Variants in PNPLA7 observed in about 807,000 individuals in gnomAD.
The protein encoded by PNPLA7 is patatin like domain 7, lysophospholipase, also known as patatin-like phospholipase domain-containing protein 7.
A neutral mutation model predicts 161.7 loss-of-function variants in PNPLA7; 153 were observed. That is an observed-to-expected ratio of 0.95 (90% CI 0.83 to 1.08). PNPLA7 has a LOEUF of 1.08. PNPLA7 is among the 50% of genes least tolerant of loss of function. The probability of loss-of-function intolerance (pLI) is 0.00; values close to 1 mark genes in which losing one functional copy is unlikely to be tolerated. For missense variants in PNPLA7, 1,739 were observed against 1,856.6 expected (o/e 0.94, Z 1.16); for synonymous variants, 809 against 782.1 (o/e 1.03, Z -0.57).
chr9:137,496,665 C>T (rs1008331022), intron 18 of PNPLA7, among the ~76,000 whole-genome samples: 23 of 152,062 alleles, frequency 1.5e-4, no homozygotes, highest in Non-Finnish European at 3.2e-4. Flanking sequence ...GAGTTGAGAT[C>T]GCGCCACTGC....
intron 20 of PNPLA7, among the ~76,000 whole-genome samples, chr9:137,488,456 A>C: frequency 6.6e-6 from 1 of 152,200 alleles, no homozygotes; most frequent in East Asian, 1.9e-4. Context: ...GGTGGAGCAG[A>C]CACAGGCCAC....
intron 14 of PNPLA7, 91 bp downstream of exon 14, chr9:137,505,523 T>C: frequency 6.7e-7 from 1 of 1,488,424 alleles, no homozygotes; most frequent in Non-Finnish European, 9.2e-7. Flanking sequence ...GCCACTGTCC[T>C]CCACACCTGG....
chr9:137,465,841 C>T lies in PNPLA7; in HGVS notation c.3040-1385G>A, dbSNP rs77678324. Among the ~76,000 whole-genome samples the T allele has an allele frequency of 3.6e-3, 555 of 152,290 alleles. 6 individuals carry two copies. Among genetic ancestry groups the T allele is most frequent in the African/African-American group, 0.013 (535 of 41,542 alleles). On this transcript the variant is annotated intron_variant, in intron 26 of 34. Transcript: ENST00000406427. ...CTCGGTTTTGTTCCACAAAAGCAAGCGCAGCGCTGAGGAGGGCAGACGGTG... is the reference window on the plus strand; with the variant it reads ...CTCGGTTTTGTTCCACAAAAGCAAGTGCAGCGCTGAGGAGGGCAGACGGTG...
At position 137,541,706 on chromosome 9, in the gene PNPLA7, C is replaced by T. The variant is rs1836212702; in HGVS notation, c.666+936G>A. ...ACGGCAGGGTCTGGCCCAGCACCCACCCCCGAGCAGCGATTCAAAGGGTGG... is the reference window on the plus strand; with the variant it reads ...ACGGCAGGGTCTGGCCCAGCACCCATCCCCGAGCAGCGATTCAAAGGGTGG... On this transcript the variant is annotated intron_variant, in intron 7 of 34. Transcript: ENST00000406427. The surrounding 1 kb of genome is among the most constrained non-coding windows in gnomAD (Gnocchi z 4.4). Among the ~76,000 whole-genome samples, 1 of 152,218 alleles carries T rather than the reference C, an allele frequency of 6.6e-6. No individual in the cohort carries two copies. Among genetic ancestry groups the T allele is most frequent in the East Asian group, 1.9e-4 (1 of 5,206 alleles).
intron 10 of PNPLA7, among the ~76,000 whole-genome samples, chr9:137,521,227 C>T (rs1209402721): frequency 1.3e-5 from 2 of 152,154 alleles, no homozygotes; most frequent in African/African-American, 4.8e-5. Context: ...TGTGTGGCTG[C>T]CGATGTCCTA....
In PNPLA7 at chr9:137,521,667, T is replaced by C; in HGVS notation, c.926A>G (p.Tyr309Cys). The C allele has an allele frequency of 6.2e-7, 1 of 1,612,510 alleles. No homozygotes were observed. The highest frequency in any genetic ancestry group is 8.5e-7 in the Non-Finnish European group (1 of 1,179,818). Residue 309 changes from tyrosine (Y) to cysteine (C), a missense_variant, in exon 10 of 35, where the codon TAC becomes TGC. Transcript: ENST00000406427. ...QRVTFLALHN[Y>C]LGLTTELFNA... The stretch of plus-strand genomic sequence containing the variant: ...GAAGAGCTCTGTGGTCAGGCCGAGG[T>C]AGTTGTGCAGAGCCAGAAAGGTCAC...
chr9:137,506,912 G>A (rs913424135), intron 12 of PNPLA7, among the ~76,000 whole-genome samples: 4 of 152,210 alleles, frequency 2.6e-5, no homozygotes, highest in East Asian at 1.9e-4. Flanking sequence ...ACTGGAATTC[G>A]CAACACCCAT....
At chr9:137,472,966 A>AG (rs1466175470) in intron 25 of PNPLA7, among the ~76,000 whole-genome samples, 4 of 152,096 alleles carry the variant, frequency 2.6e-5, no homozygotes, top group African/African-American at 9.7e-5. Context: ...AAAAAGAAAA[A>AG]AAAATGGTTT....
At chr9:137,479,287 G>A (rs1275487168) in intron 23 of PNPLA7, 49 bp from the exon 24 acceptor site, 24 of 1,470,504 alleles carry the variant, frequency 1.6e-5, no homozygotes, top group African/African-American at 1.1e-4. Context: ...CCTGGGACTC[G>A]GGACAGGACG....
intron 20 of PNPLA7, chr9:137,492,204 A>G: frequency 1.0e-6 from 1 of 985,084 alleles, no homozygotes; most frequent in Non-Finnish European, 1.2e-6. Flanking sequence ...AGCAGGGAAA[A>G]CTAAATTCCC....
intron 12 of PNPLA7, among the ~76,000 whole-genome samples, chr9:137,513,033 A>G (rs1204699976): frequency 6.6e-6 from 1 of 152,116 alleles, no homozygotes; most frequent in Non-Finnish European, 1.5e-5. Context: ...GCCCGATGGC[A>G]CAAAAAAAGC....
At chr9:137,508,784 G>A (rs1333767747) in intron 12 of PNPLA7, 2 of 152,018 alleles carry the variant, frequency 1.3e-5, no homozygotes, top group East Asian at 3.9e-4. Context: ...TTCATCAAAA[G>A]ACACCACTAC....
rs757283360 is a variant in PNPLA7 at position 137,499,071 on chromosome 9, T to C, written c.1758-826A>G. ...GGGTGGAGGAGGAGCCCTGGGATGC[T>C]GGCTGGGGTGACGGCTGCAAGGCAC... On this transcript the variant is annotated intron_variant, in intron 16 of 34. Transcript: ENST00000406427. This position sits in a 1 kb window ranked among gnomAD's most constrained non-coding sequence, Gnocchi z 5.5. Among the ~76,000 whole-genome samples the C allele has an allele frequency of 6.6e-6, 1 of 151,744 alleles. No individual in the cohort carries two copies. The highest frequency in any genetic ancestry group is 1.5e-5 in the Non-Finnish European group (1 of 67,908).
At chr9:137,494,042 G>A (rs1045465796) in intron 19 of PNPLA7, among the ~76,000 whole-genome samples, 2 of 152,182 alleles carry the variant, frequency 1.3e-5, no homozygotes, top group African/African-American at 2.4e-5. Context: ...CTCTCAGGAT[G>A]AGCCCCAGGG....
At chr9:137,470,129 T>TC (rs1164297933) in intron 25 of PNPLA7, among the ~76,000 whole-genome samples, 1 of 151,796 alleles carries the variant, frequency 6.6e-6, no homozygotes, top group Non-Finnish European at 1.5e-5. Context: ...GCTCAAGTGA[T>TC]CCCCCTCCTG....
intron 8 of PNPLA7, among the ~76,000 whole-genome samples, chr9:137,531,506 C>T (rs568311489): frequency 4.6e-5 from 7 of 152,278 alleles, no homozygotes; most frequent in African/African-American, 1.7e-4. Context: ...CAGGGGTCCC[C>T]GAGGGCTCCC....
At chr9:137,487,521 G>C (rs1365288212) in intron 20 of PNPLA7, among the ~76,000 whole-genome samples, 2 of 152,240 alleles carry the variant, frequency 1.3e-5, no homozygotes, top group East Asian at 3.8e-4. Context: ...CCGGGGCACT[G>C]GCGCCTCAGC....
intron 25 of PNPLA7, among the ~76,000 whole-genome samples, chr9:137,473,798 T>TACCGACCCC (rs141408471): frequency 0.012 from 1,879 of 152,244 alleles, 35 homozygotes; most frequent in South Asian, 0.056. Flanking sequence ...ATACTGCCAT[T>TACCGACCCC]ACCAAGGGTC....
At position 137,540,553 on chromosome 9, in the gene PNPLA7, C is replaced by G. The variant is rs942352452; in HGVS notation, c.747+89G>C. On this transcript the variant is annotated intron_variant, in intron 8 of 34. Coordinates refer to ENST00000406427, the MANE Select transcript of PNPLA7 (RefSeq NM_001098537.3). The surrounding 1 kb of genome is among the most constrained non-coding windows in gnomAD (Gnocchi z 5.1). ...ATCACTGTGGAGAACTGGCCTTTAA[C>G]CACTACCAGCTGTCCAGACAAGACA... 3 of 1,210,132 alleles carry G rather than the reference C, an allele frequency of 2.5e-6. No homozygotes were observed. Among genetic ancestry groups the G allele is most frequent in the African/African-American group, 3.0e-5 (2 of 66,330 alleles). The allele number at this position is 1,210,132 out of a possible 1,614,324, so 75.0% of individuals were successfully genotyped here.
Sources: gnomAD v4.1 joint callset for allele counts (sites outside exome capture counted in the v4.1 genomes callset) on GRCh38, gnomAD v4.1.1 for gene constraint, Gnocchi (gnomAD v3.1) non-coding constraint, MANE v1.5 for transcripts, NCBI Gene and HGNC (gene_info 2026-07-23, HGNC 2026-07-21) for gene names.